RALGDS: variants seen among roughly 807,000 people sequenced by gnomAD.
RALGDS encodes ral guanine nucleotide exchange factor.
Under a neutral mutation model 99.8 loss-of-function variants are expected in RALGDS, and 44 were observed. That is an observed-to-expected ratio of 0.44 (90% CI 0.35 to 0.57). The LOEUF (loss-of-function observed/expected upper bound fraction) is 0.57. Ranked by LOEUF, RALGDS falls within the 20% of genes least tolerant of loss-of-function variation. The probability of loss-of-function intolerance (pLI) is 0.01; values close to 1 mark genes in which losing one functional copy is unlikely to be tolerated. For missense variants in RALGDS, 1,022 were observed against 1,203.1 expected, an observed-to-expected ratio of 0.85 and a Z score of 2.23; for synonymous variants, 529 against 505.0, an observed-to-expected ratio of 1.05 and a Z score of -0.64.
upstream of RALGDS, among the ~76,000 whole-genome samples, chr9:133,135,179 T>G (rs1379058503): frequency 6.6e-6 from 1 of 152,046 alleles, no homozygotes; most frequent in Non-Finnish European, 1.5e-5. Flanking sequence ...TGCTCCAGGC[T>G]AGGGAGACCC....
chr9:133,100,458 C>CCT, intron 16 of RALGDS, 76 bp from the exon 17 acceptor site: 1 of 1,607,266 alleles, frequency 6.2e-7, no homozygotes, highest in Non-Finnish European at 8.5e-7. Flanking sequence ...GGCCAAGGAC[C>CCT]CTCTGGAGTC....
intron 1 of RALGDS, among the ~76,000 whole-genome samples, chr9:133,115,221 C>T (rs541252913): frequency 2.6e-5 from 4 of 152,346 alleles, no homozygotes; most frequent in Non-Finnish European, 4.4e-5. Flanking sequence ...CGGACTCAGA[C>T]GCCTTTCCTT....
At chr9:133,118,455 T>C (rs1831731588) in intron 1 of RALGDS, among the ~76,000 whole-genome samples, 1 of 152,234 alleles carries the variant, frequency 6.6e-6, no homozygotes, top group Non-Finnish European at 1.5e-5. Context: ...ACTGACCAGC[T>C]TGGTCACTCT....
At position 133,144,651 on chromosome 9, in the gene RALGDS, G is replaced by A. The variant is rs1358465474; in HGVS notation, c.18+4312C>T. 6.6e-6 allele frequency among the ~76,000 whole-genome samples: 1 copy of A among 152,200 alleles called. No individual in the cohort carries two copies. The highest frequency in any genetic ancestry group is 1.5e-5 in the Non-Finnish European group (1 of 68,028). ...CCAAGCTGAGGAGCAGGCGGGCTCC[G>A]CTCACGCCCCCACACCCCCTGGCTG... is the stretch of plus-strand genomic sequence containing the variant. On this transcript the variant is annotated intron_variant, in intron 1 of 17. Transcript: ENST00000393160. This position sits in a 1 kb window ranked among gnomAD's most constrained non-coding sequence, Gnocchi z 4.5.
upstream of RALGDS, among the ~76,000 whole-genome samples, chr9:133,132,972 C>A (rs555188011): frequency 1.3e-5 from 2 of 152,152 alleles, no homozygotes; most frequent in South Asian, 2.1e-4. Context: ...GGTGGGGGAC[C>A]AGTAGGGAAG....
chr9:133,142,199 G>A (rs568289416), intron 1 of RALGDS, among the ~76,000 whole-genome samples: 41 of 152,292 alleles, frequency 2.7e-4, no homozygotes, highest in Middle Eastern at 6.8e-3. Flanking sequence ...GGATCCAGGG[G>A]CAGAGTCTAC....
chr9:133,121,195 G>GGCGGGGGCGGCGGCGCGGCCCGGCGCGCT lies in RALGDS; in HGVS notation c.-42_-41insAGCGCGCCGGGCCGCGCCGCCGCCCCCGC. On this transcript the variant is annotated 5_prime_UTR_variant, in exon 1 of 18. Transcript: ENST00000372050. ...CGGGCGCGGGGCCGGCCCGGCGCGC[G>GGCGGGGGCGGCGGCGCGGCCCGGCGCGCT]GCGGGGGCGGCGGCGCGGCCCGCGC... The GGCGGGGGCGGCGGCGCGGCCCGGCGCGCT allele has an allele frequency of 4.5e-6, 4 of 884,056 alleles. No individual in the cohort carries two copies. The highest frequency in any genetic ancestry group is 5.4e-6 in the Non-Finnish European group (4 of 740,742). The allele number at this position is 884,056 out of a possible 1,614,324, so 54.8% of individuals were successfully genotyped here.
intron 17 of RALGDS, chr9:133,098,994 A>C: frequency 5.7e-6 from 3 of 526,244 alleles, no homozygotes; most frequent in Non-Finnish European, 1.0e-5. Context: ...TGACTCCAGA[A>C]CCCCCCGGCT....
chr9:133,131,014 G>A, exon 1 of RALGDS: 2 of 1,535,532 alleles, frequency 1.3e-6, no homozygotes, highest in Non-Finnish European at 1.7e-6. Context: ...GCACAGGGCA[G>A]GGAGCAGAAC....
At position 133,108,753 on chromosome 9, in the gene RALGDS, G is replaced by A. The variant is rs1216782707; in HGVS notation, c.698C>T (p.Pro233Leu). 6.2e-7 allele frequency: 1 copy of A among 1,613,574 alleles called. No homozygotes were observed. Among genetic ancestry groups the A allele is most frequent in the East Asian group, 2.2e-5 (1 of 44,882 alleles). ...GGCACGGCGCTCCAGGTCTGAGCCT[G>A]GCATGTTGAGCTGCACGTAGGCCAC... Reference protein sequence around the residue: ...QLVAYVQLNMPGSDLERRAHL... With the variant: ...QLVAYVQLNMLGSDLERRAHL... Residue 233 changes from proline to leucine, a missense_variant, in exon 5 of 18, where the codon CCA becomes CTA. By Grantham distance (98) the Pro-to-Leu change is moderately conservative. Around this residue, in one of 3 missense-constraint regions of RALGDS, gnomAD observed 825 missense variants for 994.5 expected, o/e 0.83. Coordinates refer to ENST00000372050, the MANE Select transcript of RALGDS (RefSeq NM_006266.4).
In RALGDS at chr9:133,103,788, C is replaced by T. The variant is rs777219637; in HGVS notation, c.1717G>A (p.Asp573Asn). The T allele has an allele frequency of 3.7e-6, 6 of 1,613,380 alleles. No individual in the cohort carries two copies. Among genetic ancestry groups the T allele is most frequent in the Admixed American group, 1.7e-5 (1 of 60,026 alleles). ...ATGGCAGTGTCCAGCATCACCAGGT[C>T]GGTGAGGAACGTGCCCAGGTAGGGA... ...TVPYLGTFLT[D>N]LVMLDTAMKD... The change falls in exon 11 of 18, where the codon GAC becomes AAC. Residue 573 changes from aspartate to asparagine, a missense_variant. Transcript: ENST00000372050.
chr9:133,118,106 C>G (rs1017995816), intron 1 of RALGDS, among the ~76,000 whole-genome samples: 2 of 152,170 alleles, frequency 1.3e-5, no homozygotes, highest in Admixed American at 1.3e-4. Flanking sequence ...TTCTGGGGGA[C>G]CCTCCCGAGT....
In RALGDS at chr9:133,112,052, C is replaced by G; in HGVS notation, c.284G>C (p.Arg95Pro). The G allele has an allele frequency of 6.3e-7, 1 of 1,576,480 alleles. No individual in the cohort carries two copies. The highest frequency in any genetic ancestry group is 8.6e-7 in the Non-Finnish European group (1 of 1,159,982). Residue 95 changes from arginine (R) to proline (P), a missense_variant, in exon 2 of 18, where the codon CGC becomes CCC. Arg to Pro is a moderately radical substitution (Grantham distance 103). Around this residue, in one of 3 missense-constraint regions of RALGDS, gnomAD observed 180 missense variants for 169.3 expected, o/e 1.06. Coordinates refer to ENST00000372050, the MANE Select transcript of RALGDS (RefSeq NM_006266.4). ...CCCGAGCGCACTCACCCCGAGCCAG[C>G]GCTGCCCCTTGTTGCCTCCGTGGTG... ...QLHHGGNKGQ[R>P]WLGYENESAL... is the part of the protein sequence containing the mutation.
chr9:133,119,220 G>T (rs1213797084), intron 1 of RALGDS, among the ~76,000 whole-genome samples: 1 of 152,218 alleles, frequency 6.6e-6, no homozygotes, highest in African/African-American at 2.4e-5. Context: ...GGGACCAAGT[G>T]CGCAGCGTCA....
chr9:133,129,250 G>T (rs1350707448), intron 1 of RALGDS: 1 of 1,596,950 alleles, frequency 6.3e-7, no homozygotes, highest in Non-Finnish European at 8.5e-7. Context: ...CACAGGCAAA[G>T]AACACAGAGC....
At position 133,105,246 on chromosome 9, in the gene RALGDS, T is replaced by C. The variant is rs1179743523; in HGVS notation, c.1602+686A>G. On this transcript the variant is annotated intron_variant, in intron 9 of 17. Coordinates refer to ENST00000372050, the MANE Select transcript of RALGDS (RefSeq NM_006266.4). ...TAGATGCCATTTCACTGACCGGGTATGCCAGGGGCACCAGGCAGTGACACT... is the reference window on the plus strand; with the variant it reads ...TAGATGCCATTTCACTGACCGGGTACGCCAGGGGCACCAGGCAGTGACACT... Among the ~76,000 whole-genome samples the C allele has an allele frequency of 2.0e-5, 3 of 152,172 alleles. No homozygotes were observed. The East Asian group carries it at 5.8e-4, about 29-fold the overall frequency.
chr9:133,110,541 C>G, intron 2 of RALGDS, 52 bp from the exon 3 acceptor site: 1 of 1,518,578 alleles, frequency 6.6e-7, no homozygotes, highest in Non-Finnish European at 9.1e-7. Flanking sequence ...CACGAATCTC[C>G]TGGAGCTCAG....
chr9:133,109,814 AT>A, intron 3 of RALGDS, 93 bp from the exon 4 acceptor site: 1 of 926,342 alleles, frequency 1.1e-6, no homozygotes, highest in East Asian at 2.5e-5. Flanking sequence ...TTTTCATCAA[AT>A]TATATTAAAT....
chr9:133,111,469 T>C (rs776257963), intron 2 of RALGDS, among the ~76,000 whole-genome samples: 5 of 152,142 alleles, frequency 3.3e-5, no homozygotes, highest in Non-Finnish European at 7.4e-5. Context: ...TTAGTAGAGA[T>C]GGGGTTTCAC....
Sources: allele counts gnomAD v4.1 joint callset (sites outside exome capture counted in the v4.1 genomes callset), GRCh38; gene constraint gnomAD v4.1.1; regional missense constraint gnomAD v4.1.1; non-coding constraint Gnocchi (gnomAD v3.1); transcripts MANE v1.5; gene names NCBI Gene and HGNC (gene_info 2026-07-23, HGNC 2026-07-21).